Variants in TAFA1 observed in about 807,000 individuals in gnomAD.
TAFA1 encodes the protein TAFA chemokine like family member 1.
Under a neutral mutation model 18.5 loss-of-function variants are expected in TAFA1, and 4 were observed. That is an observed-to-expected ratio of 0.22 (90% CI 0.11 to 0.49). The LOEUF (loss-of-function observed/expected upper bound fraction) is 0.49, where lower values mean the gene tolerates loss of function less well. Ranked by LOEUF, TAFA1 falls within the 20% of genes least tolerant of loss-of-function variation. TAFA1 has a pLI of 0.98. For missense variants in TAFA1, 147 were observed against 169.0 expected, an observed-to-expected ratio of 0.87 and a Z score of 0.72; for synonymous variants, 56 against 55.2, an observed-to-expected ratio of 1.01 and a Z score of -0.06.
intron 2 of TAFA1, among the ~76,000 whole-genome samples, chr3:68,165,143 A>C (rs1052550984): frequency 6.6e-6 from 1 of 152,242 alleles, no homozygotes; most frequent in Non-Finnish European, 1.5e-5. Context: ...GTGCATGGAG[A>C]ACTATCGACT....
chr3:68,168,965 G>A (rs987059799), intron 2 of TAFA1, among the ~76,000 whole-genome samples: 2 of 152,146 alleles, frequency 1.3e-5, no homozygotes, highest in Admixed American at 6.5e-5. Context: ...TGGAATGCAT[G>A]CCATTTCCTC....
intron 2 of TAFA1, among the ~76,000 whole-genome samples, chr3:68,257,596 C>A (rs1403402186): frequency 2.0e-5 from 3 of 152,132 alleles, no homozygotes; most frequent in African/African-American, 4.8e-5. Flanking sequence ...TTAATCCTCA[C>A]AATAACCTTT....
chr3:68,449,950 G>A (rs1309373884), intron 3 of TAFA1, among the ~76,000 whole-genome samples: 1 of 152,226 alleles, frequency 6.6e-6, no homozygotes, highest in Non-Finnish European at 1.5e-5. Context: ...CCTGCCTGGA[G>A]CTGGACATTG....
chr3:68,119,572 GT>G (rs199706499), intron 2 of TAFA1, among the ~76,000 whole-genome samples: 6 of 126,818 alleles, frequency 4.7e-5, no homozygotes, highest in South Asian at 2.5e-4. Flanking sequence ...GTCCAACTTC[GT>G]TTTTTTTTTC....
intron 2 of TAFA1, among the ~76,000 whole-genome samples, chr3:68,202,369 T>C (rs1175341812): frequency 6.6e-6 from 1 of 151,774 alleles, no homozygotes; most frequent in South Asian, 2.1e-4. Context: ...ATTGTTGGTA[T>C]ACTTTCATTA....
At chr3:68,305,409 CTATA>C (rs773025236) in intron 2 of TAFA1, among the ~76,000 whole-genome samples, 1,097 of 37,692 alleles carry the variant, frequency 0.029, 13 homozygotes, top group Middle Eastern at 0.043. Context: ...GACTATATGA[CTATA>C]TATATATATA....
At chr3:68,495,088 C>G (rs897420572) in intron 3 of TAFA1, among the ~76,000 whole-genome samples, 1 of 152,152 alleles carries the variant, frequency 6.6e-6, no homozygotes, top group Non-Finnish European at 1.5e-5. Context: ...CTGATGTTCT[C>G]CATTCTGTAT....
intron 2 of TAFA1, among the ~76,000 whole-genome samples, chr3:68,017,792 A>G (rs536763063): frequency 4.6e-5 from 7 of 152,316 alleles, no homozygotes; most frequent in Non-Finnish European, 8.8e-5. Context: ...TCCTCGCCTG[A>G]TTCTTCTCTA....
intron 2 of TAFA1, among the ~76,000 whole-genome samples, chr3:68,198,404 A>G (rs1487878774): frequency 6.6e-6 from 1 of 151,586 alleles, no homozygotes; most frequent in Non-Finnish European, 1.5e-5. Flanking sequence ...ACAATTAGTG[A>G]ATCTTATGGT....
chr3:68,329,081 ACT>A (rs1484983825), intron 2 of TAFA1, among the ~76,000 whole-genome samples: 3 of 143,312 alleles, frequency 2.1e-5, no homozygotes, highest in Non-Finnish European at 4.6e-5. Flanking sequence ...GCTTGTGGCC[ACT>A]TTTTTGTTTT....
chr3:68,265,321 G>A (rs1379960513), intron 2 of TAFA1, among the ~76,000 whole-genome samples: 2 of 152,108 alleles, frequency 1.3e-5, no homozygotes, highest in Non-Finnish European at 2.9e-5. Flanking sequence ...ACTCCAAAGG[G>A]CCCTGGCCTG....
intron 2 of TAFA1, among the ~76,000 whole-genome samples, chr3:68,060,287 T>G (rs2064586796): frequency 6.6e-6 from 1 of 151,980 alleles, no homozygotes; most frequent in Non-Finnish European, 1.5e-5. Context: ...GCCCTCACAA[T>G]TTTTCACAAT....
chr3:68,314,832 T>C (rs1423266285), intron 2 of TAFA1, among the ~76,000 whole-genome samples: 1 of 151,636 alleles, frequency 6.6e-6, no homozygotes, highest in African/African-American at 2.4e-5. Flanking sequence ...TTCAGGTCCA[T>C]AGTTTGAGAA....
intron 2 of TAFA1, among the ~76,000 whole-genome samples, chr3:68,304,745 C>A (rs1388510): frequency 0.21 from 32,194 of 152,030 alleles, 5,043 homozygotes; most frequent in African/African-American, 0.44. Flanking sequence ...AAATAAAATT[C>A]TTTTTAATGC....
chr3:68,294,710 C>A (rs1219858403), intron 2 of TAFA1, among the ~76,000 whole-genome samples: 1 of 151,706 alleles, frequency 6.6e-6, no homozygotes, highest in Non-Finnish European at 1.5e-5. Flanking sequence ...GATGAAAGCC[C>A]ACCTCTACAA....
chr3:68,024,415 C>A (rs192277789), intron 2 of TAFA1, among the ~76,000 whole-genome samples: 105 of 152,222 alleles, frequency 6.9e-4, no homozygotes, highest in Non-Finnish European at 1.8e-4. Context: ...CTCCCCCTTC[C>A]TTTAATTAAA....
At chr3:68,198,914 C>T (rs1026162986) in intron 2 of TAFA1, among the ~76,000 whole-genome samples, 1 of 151,292 alleles carries the variant, frequency 6.6e-6, no homozygotes, top group Non-Finnish European at 1.5e-5. Context: ...TGGAGCATAC[C>T]TTTGCTGTCA....
At chr3:68,313,666 A>C (rs939012006) in intron 2 of TAFA1, among the ~76,000 whole-genome samples, 1 of 152,240 alleles carries the variant, frequency 6.6e-6, no homozygotes, top group Non-Finnish European at 1.5e-5. Flanking sequence ...TGCAGTGTAC[A>C]CCTGGACAAT....
intron 2 of TAFA1, among the ~76,000 whole-genome samples, chr3:68,266,809 G>C (rs931232329): frequency 6.6e-6 from 1 of 152,144 alleles, no homozygotes; most frequent in Non-Finnish European, 1.5e-5. Context: ...CACCTCTCTA[G>C]AGGATGCTGC....
Sources: gnomAD v4.1 joint callset for allele counts (sites outside exome capture counted in the v4.1 genomes callset) on GRCh38, gnomAD v4.1.1 for gene constraint, MANE v1.5 for transcripts, NCBI Gene and HGNC (gene_info 2026-07-23, HGNC 2026-07-21) for gene names.